The following AVIL variants were observed in gnomAD, a reference collection of about 807,000 sequenced individuals.
The protein encoded by AVIL is advillin.
AVIL carries 78 observed loss-of-function variants against 109.9 expected under a neutral mutation model. The observed-to-expected ratio is 0.71, with a 90% CI of 0.59 to 0.86. The LOEUF is 0.86. Among genes scored for constraint, AVIL ranks in the 40% least tolerant of loss-of-function variants. The pLI, the probability that AVIL is intolerant of heterozygous loss-of-function variation, is 0.00. For missense variants in AVIL, 892 were observed against 1,016.5 expected (o/e 0.88, Z 1.67); for synonymous variants, 367 against 379.1 (o/e 0.97, Z 0.37).
At chr12:57,815,373 G>A (rs924904314) in intron 2 of AVIL, among the ~76,000 whole-genome samples, 3 of 152,244 alleles carry the variant, frequency 2.0e-5, no homozygotes, top group Non-Finnish European at 2.9e-5. Context: ...ATAGTGAAGT[G>A]AGGCATCATC....
chr12:57,802,856 GC>G (rs1955878078), intron 16 of AVIL: 2 of 553,176 alleles, frequency 3.6e-6, no homozygotes, highest in African/African-American at 3.8e-5. Flanking sequence ...CTACTCCACT[GC>G]CCTTATGTGG....
chr12:57,811,937 A>G (rs892599558), intron 4 of AVIL, among the ~76,000 whole-genome samples: 4 of 151,898 alleles, frequency 2.6e-5, no homozygotes, highest in Non-Finnish European at 4.4e-5. Flanking sequence ...CCTCTCCCCA[A>G]TACGCTTCCA....
chr12:57,809,903 A>C lies in AVIL; in HGVS notation c.762-13T>G, dbSNP rs762173269. On this transcript the variant is annotated splice_polypyrimidine_tract_variant and intron_variant, in intron 7 of 19. Transcript: ENST00000549994. ...TGAATCTGAGATACTGGAGAAGGGG[A>C]GAGGTTAGCCTGTGCCTTTTCCTCT... 3.7e-6 allele frequency: 6 copies of C among 1,613,546 alleles called. No homozygotes were observed. The highest frequency in any genetic ancestry group is 5.1e-6 in the Non-Finnish European group (6 of 1,179,628).
chr12:57,810,696 C>T, intron 6 of AVIL, 120 bp downstream of exon 6: 1 of 1,378,770 alleles, frequency 7.3e-7, no homozygotes, highest in Middle Eastern at 2.0e-4. Context: ...ACACACTTGG[C>T]CTGTCTCCAA....
intron 6 of AVIL, 119 bp downstream of exon 6, chr12:57,810,697 C>A: frequency 7.2e-7 from 1 of 1,386,386 alleles, no homozygotes; most frequent in Non-Finnish European, 1.0e-6. Flanking sequence ...CACACTTGGC[C>A]TGTCTCCAAG....
chr12:57,811,046 T>G lies in AVIL; in HGVS notation c.420A>C (p.Lys140Asn). ...TYDVKRLLHVKGKRNIRATEV... is the reference protein window; with the variant it reads ...TYDVKRLLHVNGKRNIRATEV... ...CGGTAGCCCTGATGTTTCTTTTCCCTTTCACATGTAGCAGCCGCTTCACGT... is the reference window on the plus strand; with the variant it reads ...CGGTAGCCCTGATGTTTCTTTTCCCGTTCACATGTAGCAGCCGCTTCACGT... The change falls in exon 5 of 20, where the codon AAA becomes AAC. Residue 140 changes from lysine (K) to asparagine (N), a missense_variant. Physicochemically the swap from Lys to Asn is moderately conservative, Grantham distance 94. Transcript: ENST00000549994. 6.2e-7 allele frequency: 1 copy of G among 1,614,188 alleles called. No individual in the cohort carries two copies.
chr12:57,807,158 C>G (rs1365491768), intron 13 of AVIL, among the ~76,000 whole-genome samples, 173 bp downstream of exon 13: 2 of 152,162 alleles, frequency 1.3e-5, no homozygotes, highest in Non-Finnish European at 2.9e-5. Flanking sequence ...ACTTGAAGCC[C>G]TAGGCAGTTG....
At chr12:57,812,088 T>C (rs1956045482) in intron 4 of AVIL, among the ~76,000 whole-genome samples, 2 of 152,140 alleles carry the variant, frequency 1.3e-5, no homozygotes, top group African/African-American at 4.8e-5. Flanking sequence ...CCTCCCGGGC[T>C]CAAGTGATCC....
Position 57,814,489 on chromosome 12 carries a change from C to G in AVIL, c.67-263G>C, listed in dbSNP as rs1956077115. ...TTGCCCTATTCTCCACTCTACTTCC[C>G]ACCCGATCTCATCTCGCACTATTGT... On this transcript the variant is annotated intron_variant, in intron 2 of 19. Coordinates refer to ENST00000549994, the MANE Select transcript of AVIL (RefSeq NM_006576.4). 4 of 440,234 alleles carry G rather than the reference C, an allele frequency of 9.1e-6. No individual in the cohort carries two copies. In the Admixed American group the frequency reaches 1.4e-4, roughly 15 times the overall value. 27.3% of individuals were successfully genotyped at this position (440,234 alleles called of 1,614,324 possible).
At position 57,806,509 on chromosome 12, in the gene AVIL, G is replaced by A; in HGVS notation, c.1522C>T (p.Pro508Ser). Residue 508 changes from proline to serine, a missense_variant, in exon 14 of 20, where the codon CCT (proline) becomes TCT (serine). Transcript: ENST00000549994. ...GGTSRKGNAE[P>S]DPPVRLFQIH... ...TGGAAGAGTCTTACTGGAGGGTCAG[G>A]CTCGGCATTTCCCTTCCTGGAAGTC... 6.2e-7 allele frequency: 1 copy of A among 1,614,156 alleles called. No homozygotes were observed. Among genetic ancestry groups the A allele is most frequent in the South Asian group, 1.1e-5 (1 of 91,082 alleles).
At chr12:57,815,582 C>G (rs1471455132) in intron 2 of AVIL, 3 of 1,260,360 alleles carry the variant, frequency 2.4e-6, no homozygotes, top group Non-Finnish European at 3.1e-6. Context: ...CCTCACCTCT[C>G]CCCATATTTT....
chr12:57,806,699 C>A, intron 13 of AVIL, 160 bp from the exon 14 acceptor site: 2 of 690,720 alleles, frequency 2.9e-6, no homozygotes, highest in Non-Finnish European at 4.8e-6. Flanking sequence ...GTTATGTCAC[C>A]GATAACAACA....
chr12:57,812,150 G>A (rs996253680), intron 4 of AVIL, among the ~76,000 whole-genome samples: 3 of 152,154 alleles, frequency 2.0e-5, no homozygotes, highest in Non-Finnish European at 4.4e-5. Flanking sequence ...CTCAGCCCAT[G>A]GAGTAGCTAG....
At chr12:57,809,027 G>C (rs1275167444) in intron 9 of AVIL, 1 of 165,470 alleles carries the variant, frequency 6.0e-6, no homozygotes, top group Admixed American at 5.8e-5. Flanking sequence ...TTTTTAGACA[G>C]AGTCTCGCTC....
chr12:57,803,184 C>G, intron 16 of AVIL, 63 bp downstream of exon 16: 1 of 1,602,316 alleles, frequency 6.2e-7, no homozygotes, highest in Non-Finnish European at 8.5e-7. Context: ...GGGGATACTA[C>G]ACAAAAACAA....
chr12:57,803,706 C>T, intron 14 of AVIL, 37 bp from the exon 15 acceptor site: 1 of 1,601,324 alleles, frequency 6.2e-7, no homozygotes, highest in Non-Finnish European at 8.5e-7. Flanking sequence ...ATGTTAGTTG[C>T]ACAGGGGCAC....
In AVIL at chr12:57,797,993, A is replaced by G. The variant is rs2140431620; in HGVS notation, c.2349T>C (p.Asn783=). The G allele has an allele frequency of 2.5e-6, 4 of 1,592,626 alleles. No individual in the cohort carries two copies. Among genetic ancestry groups the G allele is most frequent in the Non-Finnish European group, 1.7e-6 (2 of 1,171,874 alleles). The part of the protein sequence containing the change: ...PEDVNPAKKE[N]YLSEQDFVSV... The stretch of plus-strand genomic sequence containing the variant: ...ACACAAAGTCCTGTTCAGAGAGGTA[A>G]TTCTAAGAGAGAAAACAAAGTTTCT... The change falls in exon 20 of 20, where the codon AAT becomes AAC. Residue 783 remains asparagine, a splice_region_variant and synonymous_variant. Coordinates refer to ENST00000549994, the MANE Select transcript of AVIL (RefSeq NM_006576.4).
At position 57,801,192 on chromosome 12, in the gene AVIL, T is replaced by C. The variant is rs760498965; in HGVS notation, c.2172A>G (p.Gln724=). The stretch of plus-strand genomic sequence containing the variant: ...CAGCATCTCCCAGCTCTTCTTTTAA[T>C]TGTTCATATGTTTTTCCTGCCTGAG... ...NIWSAGKTYE[Q]LKEELGDAAA... The change falls in exon 18 of 20, where the codon CAA becomes CAG. Residue 724 remains glutamine, a synonymous_variant. Transcript: ENST00000549994. The C allele has an allele frequency of 6.2e-7, 1 of 1,613,662 alleles. No homozygotes were observed. The highest frequency in any genetic ancestry group is 8.5e-7 in the Non-Finnish European group (1 of 1,179,798).
intron 19 of AVIL, among the ~76,000 whole-genome samples, chr12:57,798,399 G>C (rs997760524): frequency 1.3e-5 from 2 of 152,010 alleles, no homozygotes; most frequent in Non-Finnish European, 2.9e-5. Flanking sequence ...TGCATGATCG[G>C]GTGGATCTTA....
Sources: allele counts gnomAD v4.1 joint callset (sites outside exome capture counted in the v4.1 genomes callset), GRCh38; gene constraint gnomAD v4.1.1; transcripts MANE v1.5; gene names NCBI Gene and HGNC (gene_info 2026-07-23, HGNC 2026-07-21).